TICAM1: variants seen among roughly 807,000 people sequenced by gnomAD.
The protein encoded by TICAM1 is TIR domain containing adaptor molecule 1.
For synonymous variants in TICAM1, 439 were observed against 415.4 expected (o/e 1.06, Z -0.69); for missense variants, 895 against 938.2 (o/e 0.95, Z 0.60).
Position 4,816,815 on chromosome 19 carries a change from G to A in TICAM1, c.1563C>T (p.Ala521=), listed in dbSNP as rs1489370861. 2.5e-6 allele frequency: 4 copies of A among 1,612,988 alleles called. No homozygotes were observed. Among genetic ancestry groups the A allele is most frequent in the Non-Finnish European group, 3.4e-6 (4 of 1,180,026 alleles). ...VRLDEHSQIF[A]RKVANTFKPH... Reference sequence around the variant, plus strand: ...GCTTGAAGGTGTTGGCCACCTTCCTGGCGAAGATCTGGGAGTGTTCGTCCA... The same window carrying A: ...GCTTGAAGGTGTTGGCCACCTTCCTAGCGAAGATCTGGGAGTGTTCGTCCA... The change falls in exon 2 of 2, where the codon GCC becomes GCT. Residue 521 remains alanine (A), a synonymous_variant. Coordinates refer to ENST00000248244, the MANE Select transcript of TICAM1 (RefSeq NM_182919.4). This position sits in a 1 kb window ranked among gnomAD's most constrained non-coding sequence, Gnocchi z 4.3.
At position 4,818,869 on chromosome 19, in the gene TICAM1, G is replaced by A. The variant is rs751665604; in HGVS notation, c.-139-353C>T. On this transcript the variant is annotated intron_variant, in intron 1 of 1. Transcript: ENST00000248244. The surrounding 1 kb of genome is among the most constrained non-coding windows in gnomAD (Gnocchi z 4.0). ...TTAAGCCTGTAATCCCAGCAGTTGT[G>A]GAGGCCGAGGCGGGGGGATCACCTG... Among the ~76,000 whole-genome samples the A allele has an allele frequency of 1.3e-5, 2 of 152,146 alleles. No homozygotes were observed. The highest frequency in any genetic ancestry group is 2.9e-5 in the Non-Finnish European group (2 of 68,040).
At chr19:4,824,073 A>C (rs1169848358) in intron 1 of TICAM1, among the ~76,000 whole-genome samples, 1 of 151,586 alleles carries the variant, frequency 6.6e-6, no homozygotes, top group African/African-American at 2.4e-5. Flanking sequence ...CAGTGGTGCG[A>C]TCTTAGCTCA....
At chr19:4,826,645 T>G (rs990489675) in intron 1 of TICAM1, among the ~76,000 whole-genome samples, 2 of 152,176 alleles carry the variant, frequency 1.3e-5, no homozygotes, top group African/African-American at 4.8e-5. Context: ...ATATTTCTGT[T>G]GGACAGCACA....
Position 4,818,881 on chromosome 19 carries a change from G to A in TICAM1, c.-139-365C>T, listed in dbSNP as rs1032905964. On this transcript the variant is annotated intron_variant, in intron 1 of 1. Transcript: ENST00000248244. The surrounding 1 kb of genome is among the most constrained non-coding windows in gnomAD (Gnocchi z 4.0). ...TCCCAGCAGTTGTGGAGGCCGAGGC[G>A]GGGGGATCACCTGAGGTCAGGAGTT... Among the ~76,000 whole-genome samples, 1 of 152,036 alleles carries A rather than the reference G, an allele frequency of 6.6e-6. No homozygotes were observed. Among genetic ancestry groups the A allele is most frequent in the Non-Finnish European group, 1.5e-5 (1 of 68,014 alleles).
In TICAM1 at chr19:4,818,165, C is replaced by T; in HGVS notation, c.213G>A (p.Arg71=). 6.2e-7 allele frequency: 1 copy of T among 1,609,284 alleles called. No individual in the cohort carries two copies. The change falls in exon 2 of 2, where the codon CGG becomes CGA. Residue 71 remains arginine (R), a synonymous_variant. Coordinates refer to ENST00000248244, the MANE Select transcript of TICAM1 (RefSeq NM_182919.4). The surrounding 1 kb of genome is among the most constrained non-coding windows in gnomAD (Gnocchi z 4.0). ...LEALKADAVA[R]LVARQWAGVD... ...CGCCAGCCCACTGGCGGGCCACCAG[C>T]CGGGCCACCGCATCGGCCTTCAATG...
rs1163464046 is a variant in TICAM1, at chr19:4,818,876, G to T, written c.-139-360C>A. Among the ~76,000 whole-genome samples the T allele has an allele frequency of 6.6e-6, 1 of 152,132 alleles. No individual in the cohort carries two copies. The highest frequency in any genetic ancestry group is 1.5e-5 in the Non-Finnish European group (1 of 68,040). ...TGTAATCCCAGCAGTTGTGGAGGCCGAGGCGGGGGGATCACCTGAGGTCAG... is the reference window on the plus strand; with the variant it reads ...TGTAATCCCAGCAGTTGTGGAGGCCTAGGCGGGGGGATCACCTGAGGTCAG... On this transcript the variant is annotated intron_variant, in intron 1 of 1. Transcript: ENST00000248244. This position sits in a 1 kb window ranked among gnomAD's most constrained non-coding sequence, Gnocchi z 4.0.
chr19:4,826,462 C>T (rs1335065597), intron 1 of TICAM1, among the ~76,000 whole-genome samples: 1 of 151,982 alleles, frequency 6.6e-6, no homozygotes, highest in Non-Finnish European at 1.5e-5. Flanking sequence ...GTAGCTGGGA[C>T]TACAGGCATC....
Position 4,816,969 on chromosome 19 carries a change from T to C in TICAM1, c.1409A>G (p.Asn470Ser). The change falls in exon 2 of 2, where the codon AAC (asparagine) becomes AGC (serine). Residue 470 changes from asparagine to serine, a missense_variant. Asn to Ser is a conservative substitution (Grantham distance 46). Coordinates refer to ENST00000248244, the MANE Select transcript of TICAM1 (RefSeq NM_182919.4). This position sits in a 1 kb window ranked among gnomAD's most constrained non-coding sequence, Gnocchi z 4.3. ...FDCRLSLHQV[N>S]QAMMSNLTRQ... The stretch of plus-strand genomic sequence containing the variant: ...CGTGAGGTTGCTCATCATGGCTTGG[T>C]TCACCTGGTGCAGGCTCAGGCGACA... 3 of 1,614,066 alleles carry C rather than the reference T, an allele frequency of 1.9e-6. No individual in the cohort carries two copies. The highest frequency in any genetic ancestry group is 2.5e-6 in the Non-Finnish European group (3 of 1,180,026).
Position 4,817,508 on chromosome 19 carries a change from G to T in TICAM1, c.870C>A (p.Thr290=). The change falls in exon 2 of 2, where the codon ACC becomes ACA. Residue 290 remains threonine (T), a synonymous_variant. Coordinates refer to ENST00000248244, the MANE Select transcript of TICAM1 (RefSeq NM_182919.4). This position sits in a 1 kb window ranked among gnomAD's most constrained non-coding sequence, Gnocchi z 4.7. ...PDATSTGLPD[T]PAAPETSTNY... The stretch of plus-strand genomic sequence containing the variant: ...TGGTGCTGGTTTCTGGAGCTGCGGG[G>T]GTATCAGGGAGGCCAGTGGAGGTTG... The T allele has an allele frequency of 1.2e-6, 2 of 1,613,964 alleles. No homozygotes were observed. The highest frequency in any genetic ancestry group is 1.3e-5 in the African/African-American group (1 of 75,052).
At chr19:4,831,221 T>C (rs1333504908) in intron 1 of TICAM1, among the ~76,000 whole-genome samples, 1 of 148,576 alleles carries the variant, frequency 6.7e-6, no homozygotes, top group Non-Finnish European at 1.5e-5. Flanking sequence ...GAGAGAAATA[T>C]GGGGTGTGAG....
At position 4,817,603 on chromosome 19, in the gene TICAM1, C is replaced by T; in HGVS notation, c.775G>A (p.Gly259Arg). 1.2e-6 allele frequency: 2 copies of T among 1,600,988 alleles called. No homozygotes were observed. Among genetic ancestry groups the T allele is most frequent in the Non-Finnish European group, 1.7e-6 (2 of 1,174,122 alleles). The change falls in exon 2 of 2, where the codon GGG becomes AGG. Residue 259 changes from glycine (G) to arginine (R), a missense_variant. Physicochemically the swap from Gly to Arg is moderately radical, Grantham distance 125. Transcript: ENST00000248244. The surrounding 1 kb of genome is among the most constrained non-coding windows in gnomAD (Gnocchi z 4.7). Reference sequence around the variant, plus strand: ...AGCTCTGGTGGGCTGGCAATCTCCCCCGATGGCGGCCAGCTCATCTCCTCA... The same window carrying T: ...AGCTCTGGTGGGCTGGCAATCTCCCTCGATGGCGGCCAGCTCATCTCCTCA... ...EPEEMSWPPSGEIASPPELPS... is the reference protein window; with the variant it reads ...EPEEMSWPPSREIASPPELPS...
chr19:4,826,574 C>T (rs1026148040), intron 1 of TICAM1, among the ~76,000 whole-genome samples: 8 of 152,172 alleles, frequency 5.3e-5, no homozygotes, highest in African/African-American at 1.9e-4. Flanking sequence ...ATCTGCCAGC[C>T]TCGGCCTCCC....
chr19:4,816,724 G>T lies in TICAM1; in HGVS notation c.1654C>A (p.Gln552Lys), dbSNP rs2146167983. ...CGCTCACCGTCCAGGTGTTGGCTCT[G>T]TTCCCGCAGGGCTCGGGTGTCCTGT... ...KEQDTRALREQSQHLDGERMQ... is the reference protein window; with the variant it reads ...KEQDTRALREKSQHLDGERMQ... Residue 552 changes from glutamine to lysine, a missense_variant, in exon 2 of 2, where the codon CAG (glutamine) becomes AAG (lysine). Transcript: ENST00000248244. The surrounding 1 kb of genome is among the most constrained non-coding windows in gnomAD (Gnocchi z 4.3). 4 of 1,614,020 alleles carry T rather than the reference G, an allele frequency of 2.5e-6. No individual in the cohort carries two copies. Among genetic ancestry groups the T allele is most frequent in the Non-Finnish European group, 3.4e-6 (4 of 1,180,022 alleles).
intron 1 of TICAM1, among the ~76,000 whole-genome samples, chr19:4,820,080 C>T (rs1341006704): frequency 2.0e-5 from 3 of 152,092 alleles, no homozygotes; most frequent in Non-Finnish European, 2.9e-5. Context: ...TCATTCTTCT[C>T]GGGATGACAA....
chr19:4,829,222 CAG>C lies in TICAM1; in HGVS notation c.-140+2390_-140+2391del, dbSNP rs565697048. On this transcript the variant is annotated intron_variant, in intron 1 of 1. Transcript: ENST00000248244. ...CTGAAACCTCCTTGCAAGAAGGACT[CAG>C]GGGAGTTTTGCAGAAAACACGACAA... 3.4e-3 allele frequency among the ~76,000 whole-genome samples: 515 copies of C among 152,300 alleles called. 1 individual carries two copies. Among genetic ancestry groups the C allele is most frequent in the Non-Finnish European group, 5.6e-3 (380 of 68,024 alleles).
chr19:4,819,321 T>G (rs918857521), intron 1 of TICAM1, among the ~76,000 whole-genome samples: 1 of 151,170 alleles, frequency 6.6e-6, no homozygotes, highest in African/African-American at 2.4e-5. Flanking sequence ...TGGTGTTACC[T>G]GAGAGGTAAA....
chr19:4,817,795 G>A lies in TICAM1; in HGVS notation c.583C>T (p.Arg195Ter), dbSNP rs746169578. 3 of 1,591,546 alleles carry A rather than the reference G, an allele frequency of 1.9e-6. No homozygotes were observed. The highest frequency in any genetic ancestry group is 2.2e-5 in the East Asian group (1 of 44,686). Reference sequence around the variant, plus strand: ...AGGGAGGCAGGGCTGCCAGTGGATCGCAGGGAGCACCCTTGGCTCCAGTCC... The same window carrying A: ...AGGGAGGCAGGGCTGCCAGTGGATCACAGGGAGCACCCTTGGCTCCAGTCC... ...VSDWSQGCSL[R>*]STGSPASLAS... Residue 195 changes from arginine to a stop codon, truncating the protein, a stop_gained, in exon 2 of 2, where the codon CGA becomes TGA. Transcript: ENST00000248244. LOFTEE classifies it low-confidence loss of function (END_TRUNC). This position sits in a 1 kb window ranked among gnomAD's most constrained non-coding sequence, Gnocchi z 4.7.
At chr19:4,830,977 G>A (rs184364071) in intron 1 of TICAM1, among the ~76,000 whole-genome samples, 1 of 152,302 alleles carries the variant, frequency 6.6e-6, no homozygotes, top group East Asian at 1.9e-4. Flanking sequence ...AGGAGGGGGA[G>A]AAAGGAAGAA....
rs2093584191 is a variant in TICAM1, at chr19:4,816,078, T to C, written c.*161A>G. 8.7e-7 allele frequency: 1 copy of C among 1,154,586 alleles called. No individual in the cohort carries two copies. The highest frequency in any genetic ancestry group is 1.1e-6 in the Non-Finnish European group (1 of 906,998). The allele number at this position is 1,154,586 out of a possible 1,614,324, so 71.5% of individuals were successfully genotyped here. A position where few individuals can be genotyped will look rare whatever the true frequency, so the allele number is the denominator to read the frequency against. ...AAAGCCAGGGCATCATCGCGCCCGT[T>C]TTGTCCTAAATGAAGGGCTCCCGGA... On this transcript the variant is annotated 3_prime_UTR_variant, in exon 2 of 2. Transcript: ENST00000248244. The surrounding 1 kb of genome is among the most constrained non-coding windows in gnomAD (Gnocchi z 4.3).
Sources: gnomAD v4.1 joint callset for allele counts (sites outside exome capture counted in the v4.1 genomes callset) on GRCh38, gnomAD v4.1.1 for gene constraint, Gnocchi (gnomAD v3.1) non-coding constraint, MANE v1.5 for transcripts, NCBI Gene and HGNC (gene_info 2026-07-23, HGNC 2026-07-21) for gene names.